The following TMEM54 variants were observed in gnomAD, a reference collection of about 807,000 sequenced individuals.
The protein encoded by TMEM54 is transmembrane protein 54.
TMEM54 carries 21 observed loss-of-function variants against 21.3 expected under a neutral mutation model. The ratio of observed to expected loss-of-function variants is 0.99; its 90% CI spans 0.70 to 1.42. TMEM54 has a LOEUF of 1.42. Ranked by LOEUF, TMEM54 falls within the 40% of genes most tolerant of loss-of-function variation. The probability of loss-of-function intolerance (pLI) is 0.00; values close to 1 mark genes in which losing one functional copy is unlikely to be tolerated. For missense variants in TMEM54, 246 were observed against 294.0 expected, an observed-to-expected ratio of 0.84 and a Z score of 1.19; for synonymous variants, 109 against 125.0, an observed-to-expected ratio of 0.87 and a Z score of 0.86.
At chr1:32,899,592 A>G (rs1472614217) in intron 1 of TMEM54, among the ~76,000 whole-genome samples, 3 of 152,162 alleles carry the variant, frequency 2.0e-5, no homozygotes, top group Non-Finnish European at 2.9e-5. Flanking sequence ...CTCTAGTCCC[A>G]GTTATTCAGG....
rs149496665 is a variant in TMEM54 at position 32,897,393 on chromosome 1, G to A, written c.210+733C>T. 4.8e-3 allele frequency among the ~76,000 whole-genome samples: 735 copies of A among 152,298 alleles called. 1 individual carries two copies. Among genetic ancestry groups the A allele is most frequent in the Middle Eastern group, 0.01 (3 of 294 alleles). On this transcript the variant is annotated intron_variant, in intron 2 of 5. Transcript: ENST00000373463. This position sits in a 1 kb window ranked among gnomAD's most constrained non-coding sequence, Gnocchi z 4.9. ...GAGGCTGTGGCCACTTGTGCTGACC[G>A]GCAAGAAAGAGCTTTAGAAACTTGA...
rs577846614 is a variant in TMEM54 at position 32,900,718 on chromosome 1, G to A, written c.16+505C>T. On this transcript the variant is annotated intron_variant, in intron 1 of 5. Coordinates refer to ENST00000373463, the MANE Select transcript of TMEM54 (RefSeq NM_033504.4). Reference sequence around the variant, plus strand: ...CCCAGGACTCTGCTGCCCACAAGCAGCATCACCGTGCCCAGGCAGTGGAAG... The same window carrying A: ...CCCAGGACTCTGCTGCCCACAAGCAACATCACCGTGCCCAGGCAGTGGAAG... Among the ~76,000 whole-genome samples the A allele has an allele frequency of 9.4e-4, 143 of 152,364 alleles. 5 individuals carry two copies. In the South Asian group the frequency reaches 0.029, roughly 30 times the overall value.
Position 32,896,088 on chromosome 1 carries a change from C to A in TMEM54, c.211-119G>T, listed in dbSNP as rs1207585216. ...CCAACCATTGCCCTCCAGACTCCCC[C>A]ACCCCTCACCTGCTGCTTAGCCTGG... On this transcript the variant is annotated intron_variant, in intron 2 of 5. Coordinates refer to ENST00000373463, the MANE Select transcript of TMEM54 (RefSeq NM_033504.4). This position sits in a 1 kb window ranked among gnomAD's most constrained non-coding sequence, Gnocchi z 4.1. 8.7e-6 allele frequency: 9 copies of A among 1,039,578 alleles called. No individual in the cohort carries two copies. The highest frequency in any genetic ancestry group is 3.3e-5 in the South Asian group (2 of 60,856). The allele number at this position is 1,039,578 out of a possible 1,614,324, so 64.4% of individuals were successfully genotyped here.
rs1205632947 is a variant in TMEM54, at chr1:32,895,383, C to T, written c.516G>A (p.Val172=). 2 of 1,613,994 alleles carry T rather than the reference C, an allele frequency of 1.2e-6. No individual in the cohort carries two copies. Among genetic ancestry groups the T allele is most frequent in the African/African-American group, 2.7e-5 (2 of 74,936 alleles). The change falls in exon 5 of 6, where the codon GTG becomes GTA. Residue 172 remains valine, a synonymous_variant. Transcript: ENST00000373463. This position sits in a 1 kb window ranked among gnomAD's most constrained non-coding sequence, Gnocchi z 5.8. ...TGAGCTGAGCACAGCGTACAGCAAA[C>T]ACGTTCTCCGCCACGCAGAGCACTA... ...IALVLCVAEN[V]FAVRCAQLTH...
chr1:32,900,523 C>G (rs371744846), intron 1 of TMEM54, among the ~76,000 whole-genome samples: 3 of 152,210 alleles, frequency 2.0e-5, no homozygotes, highest in East Asian at 1.9e-4. Context: ...CTTCATTTGT[C>G]TTACCACTGT....
At chr1:32,898,360 T>A in intron 1 of TMEM54, 41 bp from the exon 2 acceptor site, 1 of 1,552,902 alleles carries the variant, frequency 6.4e-7, no homozygotes, top group Non-Finnish European at 8.8e-7. Context: ...GTGGGGCTTA[T>A]CCTGCTGGGC....
chr1:32,896,989 TATA>T lies in TMEM54; in HGVS notation c.211-1023_211-1021del, dbSNP rs1641614860. Among the ~76,000 whole-genome samples the T allele has an allele frequency of 6.6e-6, 1 of 152,186 alleles. No homozygotes were observed. Among genetic ancestry groups the T allele is most frequent in the African/African-American group, 2.4e-5 (1 of 41,442 alleles). On this transcript the variant is annotated intron_variant, in intron 2 of 5. Transcript: ENST00000373463. The surrounding 1 kb of genome is among the most constrained non-coding windows in gnomAD (Gnocchi z 4.1). ...TTGGTTTCCTCTTTTGTGAAACAGG[TATA>T]ATAATGGCCCCCAGTTGCTGGGAGA...
chr1:32,900,099 G>A (rs1641692177), intron 1 of TMEM54, among the ~76,000 whole-genome samples: 1 of 152,204 alleles, frequency 6.6e-6, no homozygotes, highest in Admixed American at 6.5e-5. Flanking sequence ...CTACCTGGGA[G>A]CTCGGTGTCT....
chr1:32,901,084 C>T lies in TMEM54; in HGVS notation c.16+139G>A, dbSNP rs955418556. On this transcript the variant is annotated intron_variant, in intron 1 of 5. Coordinates refer to ENST00000373463, the MANE Select transcript of TMEM54 (RefSeq NM_033504.4). The surrounding 1 kb of genome is among the most constrained non-coding windows in gnomAD (Gnocchi z 4.2). ...AACTGAGGCCCAGAGAGGAAAGTGA[C>T]CCGACCCCGGCCTCGTAGTAAGTTA... 2.5e-5 allele frequency: 24 copies of T among 943,076 alleles called. No homozygotes were observed. The African/African-American group carries it at 3.4e-4, about 13-fold the overall frequency. 58.4% of individuals were successfully genotyped at this position (943,076 alleles called of 1,614,324 possible). A position where few individuals can be genotyped will look rare whatever the true frequency, so the allele number is the denominator to read the frequency against.
At position 32,898,279 on chromosome 1, in the gene TMEM54, C is replaced by T. The variant is rs1267260147; in HGVS notation, c.57G>A (p.Lys19=). 6.2e-7 allele frequency: 1 copy of T among 1,611,128 alleles called. No homozygotes were observed. Among genetic ancestry groups the T allele is most frequent in the Non-Finnish European group, 8.5e-7 (1 of 1,177,548 alleles). ...CCAGCACCACCAGCACCAGGCCTGT[C>T]TTCATCAGCACCTTCCGGAAGTCGC... ...SVGDFRKVLM[K]TGLVLVVLGH... The change falls in exon 2 of 6, where the codon AAG becomes AAA. Residue 19 remains lysine, a synonymous_variant. Transcript: ENST00000373463.
Position 32,895,259 on chromosome 1 carries a change from G to A in TMEM54, c.594+46C>T, listed in dbSNP as rs377069821. 17 of 1,574,028 alleles carry A rather than the reference G, an allele frequency of 1.1e-5. No homozygotes were observed. Among genetic ancestry groups the A allele is most frequent in the Non-Finnish European group, 1.5e-5 (17 of 1,154,834 alleles). On this transcript the variant is annotated intron_variant, in intron 5 of 5. Coordinates refer to ENST00000373463, the MANE Select transcript of TMEM54 (RefSeq NM_033504.4). This position sits in a 1 kb window ranked among gnomAD's most constrained non-coding sequence, Gnocchi z 5.8. Reference sequence around the variant, plus strand: ...CAGAGCAGCTTGGGCACCCTGGCAGGGGCTCCCAGGAAATTCGGGGAGTCA... The same window carrying A: ...CAGAGCAGCTTGGGCACCCTGGCAGAGGCTCCCAGGAAATTCGGGGAGTCA...
chr1:32,897,450 C>G lies in TMEM54; in HGVS notation c.210+676G>C, dbSNP rs549854799. On this transcript the variant is annotated intron_variant, in intron 2 of 5. Coordinates refer to ENST00000373463, the MANE Select transcript of TMEM54 (RefSeq NM_033504.4). The surrounding 1 kb of genome is among the most constrained non-coding windows in gnomAD (Gnocchi z 4.9). ...CAGACCCCTCCATTCATGTGCTAGT[C>G]AAACAGGTACTGATATCTGGTCACA... is the stretch of plus-strand genomic sequence containing the variant. 1.1e-4 allele frequency among the ~76,000 whole-genome samples: 16 copies of G among 152,322 alleles called. No homozygotes were observed. Among genetic ancestry groups the G allele is most frequent in the African/African-American group, 3.8e-4 (16 of 41,566 alleles).
intron 1 of TMEM54, among the ~76,000 whole-genome samples, chr1:32,899,703 C>T (rs568525635): frequency 5.9e-5 from 9 of 152,164 alleles, no homozygotes; most frequent in South Asian, 2.1e-4. Flanking sequence ...CCAGAGACCC[C>T]GTCTAAAAAA....
At chr1:32,899,834 C>T (rs139426644) in intron 1 of TMEM54, among the ~76,000 whole-genome samples, 225 of 152,330 alleles carry the variant, frequency 1.5e-3, no homozygotes, top group African/African-American at 5.1e-3. Flanking sequence ...GACCATGCAC[C>T]AGCCCCTCCC....
rs1467616677 is a variant in TMEM54 at position 32,897,902 on chromosome 1, G to C, written c.210+224C>G. The C allele has an allele frequency of 2.1e-6, 1 of 466,352 alleles. No individual in the cohort carries two copies. The highest frequency in any genetic ancestry group is 3.9e-6 in the Non-Finnish European group (1 of 259,002). The allele number at this position is 466,352 out of a possible 1,614,324, so 28.9% of individuals were successfully genotyped here. ...ACTCTGCTAAGCACTTTGTGTGGAT[G>C]ATCTCATCAGTACCCATTAGGACCC... On this transcript the variant is annotated intron_variant, in intron 2 of 5. Coordinates refer to ENST00000373463, the MANE Select transcript of TMEM54 (RefSeq NM_033504.4). The surrounding 1 kb of genome is among the most constrained non-coding windows in gnomAD (Gnocchi z 4.9).
intron 5 of TMEM54, 93 bp from the exon 6 acceptor site, chr1:32,894,972 G>A: frequency 6.5e-7 from 1 of 1,538,490 alleles, no homozygotes; most frequent in Non-Finnish European, 8.8e-7. Context: ...GTGAGGGCTG[G>A]AAGGCTCTCT....
rs1641634901 is a variant in TMEM54 at position 32,897,864 on chromosome 1, T to A, written c.210+262A>T. 3 of 402,720 alleles carry A rather than the reference T, an allele frequency of 7.4e-6. No individual in the cohort carries two copies. The East Asian group carries it at 1.1e-4, about 15-fold the overall frequency. The allele number at this position is 402,720 out of a possible 1,614,324, so 24.9% of individuals were successfully genotyped here. On this transcript the variant is annotated intron_variant, in intron 2 of 5. Coordinates refer to ENST00000373463, the MANE Select transcript of TMEM54 (RefSeq NM_033504.4). The surrounding 1 kb of genome is among the most constrained non-coding windows in gnomAD (Gnocchi z 4.9). ...CTCACAGTAGTGGGTGCTAACAACA[T>A]GCCATGCCAGACACTCTGCTAAGCA...
At chr1:32,900,890 G>A (rs1641709999) in intron 1 of TMEM54, among the ~76,000 whole-genome samples, 1 of 152,088 alleles carries the variant, frequency 6.6e-6, no homozygotes, top group Non-Finnish European at 1.5e-5. Context: ...TCCCTTCTGG[G>A]TAAGATGGGG....
At chr1:32,894,982 TG>T in intron 5 of TMEM54, 103 bp from the exon 6 acceptor site, 2 of 1,517,724 alleles carry the variant, frequency 1.3e-6, no homozygotes, top group Middle Eastern at 2.0e-4. Flanking sequence ...GAAGGCTCTC[TG>T]GGGGCAAAGG....
Sources: gnomAD v4.1 joint callset for allele counts (sites outside exome capture counted in the v4.1 genomes callset) on GRCh38, gnomAD v4.1.1 for gene constraint, Gnocchi (gnomAD v3.1) non-coding constraint, MANE v1.5 for transcripts, NCBI Gene and HGNC (gene_info 2026-07-23, HGNC 2026-07-21) for gene names.